Variants in ADAMTSL1 observed in about 807,000 individuals in gnomAD.
The protein encoded by ADAMTSL1 is ADAMTS like 1.
ADAMTSL1 carries 126 observed loss-of-function variants against 201.8 expected under a neutral mutation model. The ratio of observed to expected loss-of-function variants is 0.62; its 90% CI spans 0.54 to 0.72. ADAMTSL1 has a LOEUF of 0.72. Ranked by LOEUF, ADAMTSL1 falls within the 30% of genes least tolerant of loss-of-function variation. ADAMTSL1 has a pLI of 0.00. For missense variants in ADAMTSL1, 2,679 were observed against 2,277.8 expected, an observed-to-expected ratio of 1.18 and a Z score of -3.59; for synonymous variants, 1,121 against 903.4, an observed-to-expected ratio of 1.24 and a Z score of -4.32.
At chr9:18,064,603 C>A (rs1358503757) in intron 1 of ADAMTSL1, among the ~76,000 whole-genome samples, 1 of 151,996 alleles carries the variant, frequency 6.6e-6, no homozygotes, top group Non-Finnish European at 1.5e-5. Context: ...TTTTTATATG[C>A]CCTATAACAT....
At chr9:18,859,015 A>T (rs570838108) in intron 23 of ADAMTSL1, among the ~76,000 whole-genome samples, 1 of 152,256 alleles carries the variant, frequency 6.6e-6, no homozygotes, top group Non-Finnish European at 1.5e-5. Context: ...ATTAAAGAAA[A>T]GCAAATAAAA....
intron 19 of ADAMTSL1, among the ~76,000 whole-genome samples, chr9:18,789,901 C>G (rs1821924277): frequency 6.6e-6 from 1 of 152,062 alleles, no homozygotes; most frequent in South Asian, 2.1e-4. Flanking sequence ...AAGGATACAC[C>G]CACAATTTCT....
intron 2 of ADAMTSL1, among the ~76,000 whole-genome samples, chr9:18,318,013 A>T (rs909727168): frequency 6.6e-6 from 1 of 152,152 alleles, no homozygotes; most frequent in South Asian, 2.1e-4. Flanking sequence ...GACATGTTGG[A>T]TATAATTTTA....
upstream of ADAMTSL1, among the ~76,000 whole-genome samples, chr9:18,470,611 C>T (rs16936745): frequency 0.55 from 82,907 of 151,928 alleles, 22,863 homozygotes; most frequent in Non-Finnish European, 0.58. Context: ...CTGCAGCTGA[C>T]GGGCTAAGCA....
chr9:18,514,655 C>A (rs1425615207), intron 2 of ADAMTSL1, among the ~76,000 whole-genome samples: 1 of 152,062 alleles, frequency 6.6e-6, no homozygotes, highest in African/African-American at 2.4e-5. Flanking sequence ...GATTTTGTAT[C>A]CCTCAGTTTT....
chr9:18,714,135 CAAGAGA>C (rs1334093563), intron 14 of ADAMTSL1, among the ~76,000 whole-genome samples: 2 of 152,160 alleles, frequency 1.3e-5, no homozygotes, highest in Non-Finnish European at 2.9e-5. Flanking sequence ...TAAATGCCCA[CAAGAGA>C]AAGCACAAAA....
intron 20 of ADAMTSL1, among the ~76,000 whole-genome samples, chr9:18,811,036 C>A (rs13302070): frequency 0.5 from 42,718 of 85,408 alleles, 10,198 homozygotes; most frequent in Non-Finnish European, 0.52. Context: ...AAAAAAAAAA[C>A]AAACACCAGC....
intron 2 of ADAMTSL1, among the ~76,000 whole-genome samples, chr9:18,435,736 C>G (rs1024277722): frequency 6.6e-6 from 1 of 152,112 alleles, no homozygotes; most frequent in African/African-American, 2.4e-5. Flanking sequence ...TGGCGGATGG[C>G]AAGGAGGAAC....
intron 23 of ADAMTSL1, among the ~76,000 whole-genome samples, chr9:18,883,117 C>A (rs1330451838): frequency 1.3e-5 from 2 of 152,152 alleles, no homozygotes; most frequent in Non-Finnish European, 2.9e-5. Flanking sequence ...GATACCTCTC[C>A]CTAAATGTAT....
chr9:18,369,323 G>T (rs1376945337), intron 2 of ADAMTSL1, among the ~76,000 whole-genome samples: 1 of 152,106 alleles, frequency 6.6e-6, no homozygotes. Flanking sequence ...TATCACAATT[G>T]TATCTATATC....
intron 20 of ADAMTSL1, among the ~76,000 whole-genome samples, chr9:18,800,377 C>CA (rs58346548): frequency 0.037 from 2,234 of 60,500 alleles, 140 homozygotes; most frequent in Admixed American, 0.057. Flanking sequence ...AACTCCATCT[C>CA]AAAAAAAAAA....
intron 20 of ADAMTSL1, among the ~76,000 whole-genome samples, chr9:18,805,683 G>A (rs975471195): frequency 2.6e-5 from 4 of 152,080 alleles, no homozygotes; most frequent in African/African-American, 7.2e-5. Context: ...TCCTGCCCCT[G>A]CCCCTGCCCC....
intron 1 of ADAMTSL1, among the ~76,000 whole-genome samples, chr9:18,049,308 T>G (rs1187237503): frequency 6.6e-6 from 1 of 152,252 alleles, no homozygotes; most frequent in Non-Finnish European, 1.5e-5. Context: ...GTGATCACTT[T>G]CATCCTCTAC....
intron 1 of ADAMTSL1, among the ~76,000 whole-genome samples, chr9:17,990,477 A>G (rs1317611164): frequency 2.0e-5 from 3 of 152,062 alleles, no homozygotes; most frequent in African/African-American, 7.2e-5. Context: ...CTATTACTCC[A>G]CAATAGGAAT....
intron 3 of ADAMTSL1, among the ~76,000 whole-genome samples, chr9:18,572,126 C>T (rs1037687951): frequency 8.6e-5 from 13 of 150,518 alleles, no homozygotes; most frequent in East Asian, 2.0e-4. Context: ...ACCCAGGAGG[C>T]GGAGGTTGCA....
At chr9:18,896,091 G>C (rs12349184) in intron 26 of ADAMTSL1, among the ~76,000 whole-genome samples, 15,623 of 152,188 alleles carry the variant, frequency 0.1, 876 homozygotes, top group Middle Eastern at 0.22. Context: ...AGAGTTGTGA[G>C]ACACCCTCAA....
chr9:18,212,389 A>T (rs1829911645), intron 2 of ADAMTSL1, among the ~76,000 whole-genome samples: 1 of 152,220 alleles, frequency 6.6e-6, no homozygotes, highest in African/African-American at 2.4e-5. Flanking sequence ...GAAAAGGCTT[A>T]GGATAGATTA....
chr9:18,411,391 G>T (rs1262615187), intron 2 of ADAMTSL1, among the ~76,000 whole-genome samples: 4 of 151,426 alleles, frequency 2.6e-5, no homozygotes, highest in South Asian at 2.1e-4. Context: ...TAGAGACTGG[G>T]TTTCACCATG....
chr9:18,650,151 T>A (rs117366228), intron 7 of ADAMTSL1, among the ~76,000 whole-genome samples: 6,593 of 152,266 alleles, frequency 0.043, 196 homozygotes, highest in South Asian at 0.085. Context: ...CTGACTGCTT[T>A]GCTAGCAATC....
Sources: gnomAD v4.1 joint callset for allele counts (sites outside exome capture counted in the v4.1 genomes callset) on GRCh38, gnomAD v4.1.1 for gene constraint, MANE v1.5 for transcripts, NCBI Gene and HGNC (gene_info 2026-07-23, HGNC 2026-07-21) for gene names.